PLEKHG7: variants seen among roughly 807,000 people sequenced by gnomAD.
PLEKHG7 encodes the protein pleckstrin homology domain-containing family G member 7.
Under a neutral mutation model 85.2 loss-of-function variants are expected in PLEKHG7, and 77 were observed. The ratio of observed to expected loss-of-function variants is 0.90; its 90% confidence interval spans 0.75 to 1.09. The LOEUF (loss-of-function observed/expected upper bound fraction) is 1.09, where lower values mean the gene tolerates loss of function less well. Ranked by LOEUF, PLEKHG7 falls within the 50% of genes least tolerant of loss-of-function variation. PLEKHG7 has a pLI of 0.00. For missense variants in PLEKHG7, 777 were observed against 804.3 expected (o/e 0.97, Z 0.41); for synonymous variants, 301 against 302.4 (o/e 1.00, Z 0.05).
In PLEKHG7 at chr12:92,706,669, C is replaced by T; in HGVS notation, c.38C>T (p.Pro13Leu). The part of the protein sequence containing the change: ...KTESFCPEVP[P>L]QDCGASPRPS... The stretch of plus-strand genomic sequence containing the variant: ...GAGTCATTCTGTCCAGAGGTGCCAC[C>T]CCAAGACTGTGGAGCCTCTCCTCGG... Residue 13 changes from proline to leucine, a missense_variant, in exon 2 of 17, where the codon CCC becomes CTC. This residue lies in a region of PLEKHG7 where 252 missense variants were observed against 241.9 expected (regional missense o/e 1.04). Transcript: ENST00000344636. The T allele has an allele frequency of 6.2e-7, 1 of 1,614,068 alleles. No homozygotes were observed. The highest frequency in any genetic ancestry group is 8.5e-7 in the Non-Finnish European group (1 of 1,179,996).
intron 4 of PLEKHG7, among the ~76,000 whole-genome samples, chr12:92,729,957 AC>A (rs1871935530): frequency 1.3e-5 from 2 of 152,064 alleles, no homozygotes; most frequent in African/African-American, 4.8e-5. Context: ...TGTGAGTGAG[AC>A]CCAGAAAGGA....
intron 15 of PLEKHG7, among the ~76,000 whole-genome samples, chr12:92,767,174 T>C (rs1053638221): frequency 1.3e-5 from 2 of 152,216 alleles, no homozygotes; most frequent in Non-Finnish European, 2.9e-5. Flanking sequence ...TGGTGCCCAA[T>C]ACATAGAAAA....
At chr12:92,742,921 A>T (rs1872410988) in intron 9 of PLEKHG7, among the ~76,000 whole-genome samples, 1 of 152,112 alleles carries the variant, frequency 6.6e-6, no homozygotes, top group South Asian at 2.1e-4. Flanking sequence ...ATGTAAGTAT[A>T]CTTAGAGGCC....
At chr12:92,744,888 G>A (rs1385825766) in intron 9 of PLEKHG7, among the ~76,000 whole-genome samples, 2 of 151,936 alleles carry the variant, frequency 1.3e-5, no homozygotes, top group East Asian at 1.9e-4. Context: ...GGCTAGTCTC[G>A]AACTCCTGAG....
At chr12:92,746,513 C>T (rs1461146507) in intron 10 of PLEKHG7, among the ~76,000 whole-genome samples, 7 of 152,162 alleles carry the variant, frequency 4.6e-5, no homozygotes, top group Admixed American at 1.3e-4. Flanking sequence ...TTTTTTGCTA[C>T]TCAAACTGAA....
chr12:92,760,890 C>T (rs547956667), intron 13 of PLEKHG7, among the ~76,000 whole-genome samples: 53 of 152,236 alleles, frequency 3.5e-4, no homozygotes, highest in African/African-American at 9.4e-4. Flanking sequence ...CAACCTAGGC[C>T]GCCATAACAA....
chr12:92,738,313 G>A lies in PLEKHG7; in HGVS notation c.939+792G>A, dbSNP rs74462727. Among the ~76,000 whole-genome samples, 1,043 of 152,016 alleles carry A rather than the reference G, an allele frequency of 6.9e-3. 3 individuals are homozygous for A. The highest frequency in any genetic ancestry group is 9.6e-3 in the Non-Finnish European group (651 of 67,812). On this transcript the variant is annotated intron_variant, in intron 7 of 16. Transcript: ENST00000344636. The stretch of plus-strand genomic sequence containing the variant: ...AGCTTCCTCCCAGGACCACAGGGGA[G>A]GATGGGCCACACAGCTCCCAAGGTT...
chr12:92,703,367 A>ATGG (rs2136563563), intron 1 of PLEKHG7, among the ~76,000 whole-genome samples: 1 of 152,356 alleles, frequency 6.6e-6, no homozygotes, highest in South Asian at 2.1e-4. Context: ...AATTTTCTTT[A>ATGG]TGGTGACCAT....
chr12:92,758,898 A>C (rs2136626466), intron 13 of PLEKHG7, among the ~76,000 whole-genome samples: 1 of 152,368 alleles, frequency 6.6e-6, no homozygotes, highest in Admixed American at 6.5e-5. Flanking sequence ...GCTAAGATCA[A>C]GTGAGGAAAC....
intron 3 of PLEKHG7, among the ~76,000 whole-genome samples, chr12:92,716,631 A>G (rs1871500080): frequency 6.6e-6 from 1 of 152,238 alleles, no homozygotes; most frequent in East Asian, 1.9e-4. Context: ...ATTCTTACAC[A>G]AGTGTGAGGG....
intron 5 of PLEKHG7, among the ~76,000 whole-genome samples, chr12:92,732,514 G>A (rs1054858943): frequency 6.6e-6 from 1 of 152,154 alleles, no homozygotes; most frequent in East Asian, 1.9e-4. Context: ...AAAACACAAA[G>A]CAATCCTAAT....
intron 3 of PLEKHG7, among the ~76,000 whole-genome samples, chr12:92,726,393 C>G (rs1209398563): frequency 6.6e-6 from 1 of 152,106 alleles, no homozygotes; most frequent in Non-Finnish European, 1.5e-5. Context: ...CATAGCTATG[C>G]TTTTGTTGGT....
At chr12:92,732,373 A>G in intron 5 of PLEKHG7, 100 bp downstream of exon 5, 2 of 652,586 alleles carry the variant, frequency 3.1e-6, no homozygotes, top group Non-Finnish European at 4.4e-6. Context: ...TTATCTTTGT[A>G]TAAAGGCAGA....
intron 3 of PLEKHG7, among the ~76,000 whole-genome samples, chr12:92,708,896 T>C (rs1871312906): frequency 6.6e-6 from 1 of 152,180 alleles, no homozygotes; most frequent in South Asian, 2.1e-4. Context: ...ATGTAAGGAA[T>C]GGGGAAGAGT....
intron 15 of PLEKHG7, among the ~76,000 whole-genome samples, chr12:92,766,420 G>A (rs1415109808): frequency 6.6e-6 from 1 of 152,136 alleles, no homozygotes; most frequent in Non-Finnish European, 1.5e-5. Flanking sequence ...AGGGTTCAGT[G>A]TAGTCACAAC....
rs1298656544 is a variant in PLEKHG7, at chr12:92,740,852, G to T, written c.940-1G>T. ...ATGTGTATATATTTTTTATTTCAAA[G>T]ATCTTTATGAATACACTAAGATATC... is the stretch of plus-strand genomic sequence containing the variant. On this transcript the variant is annotated splice_acceptor_variant, in intron 7 of 16. Transcript: ENST00000344636. LOFTEE classifies it high-confidence loss of function. 25 of 1,578,792 alleles carry T rather than the reference G, an allele frequency of 1.6e-5. No individual in the cohort carries two copies. The highest frequency in any genetic ancestry group is 2.1e-5 in the Non-Finnish European group (24 of 1,154,182).
intron 2 of PLEKHG7, chr12:92,707,354 C>T (rs1565785407): frequency 1.4e-6 from 2 of 1,429,456 alleles, no homozygotes; most frequent in Non-Finnish European, 9.1e-7. Flanking sequence ...CGCTCACTTT[C>T]TTCTGTCCTT....
chr12:92,737,478 G>C lies in PLEKHG7; in HGVS notation c.896G>C (p.Ser299Thr). Residue 299 changes from serine (S) to threonine (T), a missense_variant, in exon 7 of 17, where the codon AGT (serine) becomes ACT (threonine). Around this residue, in one of 3 missense-constraint regions of PLEKHG7, gnomAD observed 520 missense variants for 544.0 expected, o/e 0.96. Coordinates refer to ENST00000344636, the MANE Select transcript of PLEKHG7 (RefSeq NM_001377329.1). ...GAGGCCGTGTGGGAACTTTTCACAA[G>C]TGAATGCACCTATTTTTTGGACCAT... Reference protein sequence around the residue: ...QQEAVWELFTSECTYFLDHLL... With the variant: ...QQEAVWELFTTECTYFLDHLL... 2.5e-6 allele frequency: 4 copies of C among 1,600,666 alleles called. No homozygotes were observed. Among genetic ancestry groups the C allele is most frequent in the Non-Finnish European group, 3.4e-6 (4 of 1,176,934 alleles).
chr12:92,722,981 C>T (rs1406392543), intron 3 of PLEKHG7, among the ~76,000 whole-genome samples: 1 of 152,062 alleles, frequency 6.6e-6, no homozygotes, highest in Non-Finnish European at 1.5e-5. Flanking sequence ...AGAATTGTCC[C>T]TCCCTGAGTG....
Sources: allele counts gnomAD v4.1 joint callset (sites outside exome capture counted in the v4.1 genomes callset), GRCh38; gene constraint gnomAD v4.1.1; regional missense constraint gnomAD v4.1.1; transcripts MANE v1.5; gene names NCBI Gene and HGNC (gene_info 2026-07-23, HGNC 2026-07-21).